MKLN1: variants seen among roughly 807,000 people sequenced by gnomAD.
The protein encoded by MKLN1 is muskelin 1.
Under a neutral mutation model 99.0 loss-of-function variants are expected in MKLN1, and 18 were observed. That is an observed-to-expected ratio of 0.18 (90% CI 0.13 to 0.27). MKLN1 has a LOEUF of 0.27. Ranked by LOEUF, MKLN1 falls within the 10% of genes least tolerant of loss-of-function variation. The pLI, the probability that MKLN1 is intolerant of heterozygous loss-of-function variation, is 1.00. For missense variants in MKLN1, 621 were observed against 875.9 expected (o/e 0.71, Z 3.67); for synonymous variants, 288 against 293.2 (o/e 0.98, Z 0.18).
upstream of MKLN1, chr7:131,327,845 C>T (rs1246968714): frequency 2.5e-6 from 4 of 1,597,962 alleles, no homozygotes; most frequent in Middle Eastern, 3.4e-4. Context: ...CACGCCCCCT[C>T]CCCTCCTCCC....
In MKLN1 at chr7:131,371,601, C is replaced by T. The variant is rs191788003; in HGVS notation, c.99-3823C>T. On this transcript the variant is annotated intron_variant, in intron 1 of 17. Coordinates refer to ENST00000352689, the MANE Select transcript of MKLN1 (RefSeq NM_013255.5). Reference sequence around the variant, plus strand: ...ACCAAAACATATTGCAACTGTTTGGCCCCCTTGATTTTGCATTTAGTGGTC... The same window carrying T: ...ACCAAAACATATTGCAACTGTTTGGTCCCCTTGATTTTGCATTTAGTGGTC... Among the ~76,000 whole-genome samples, 347 of 152,192 alleles carry T rather than the reference C, an allele frequency of 2.3e-3. 1 individual carries two copies. Among genetic ancestry groups the T allele is most frequent in the African/African-American group, 8.0e-3 (333 of 41,532 alleles).
intron 14 of MKLN1, 21 bp downstream of exon 14, chr7:131,464,429 T>C: frequency 7.0e-7 from 1 of 1,432,504 alleles, no homozygotes; most frequent in Non-Finnish European, 9.8e-7. Flanking sequence ...TACATTGACC[T>C]GTAAACTTTC....
At chr7:131,223,479 G>C (rs906294327) in intron 3 of MKLN1, among the ~76,000 whole-genome samples, 2 of 152,196 alleles carry the variant, frequency 1.3e-5, no homozygotes, top group African/African-American at 4.8e-5. Flanking sequence ...GTTAGGATGA[G>C]CTTGGGTTTC....
chr7:131,307,709 AC>A (rs1436622766), intron 3 of MKLN1, among the ~76,000 whole-genome samples: 4 of 152,126 alleles, frequency 2.6e-5, no homozygotes, highest in Non-Finnish European at 1.5e-5. Context: ...GGAAGCATTT[AC>A]CCAATACCTG....
chr7:131,197,912 G>C (rs889163992), intron 2 of MKLN1, among the ~76,000 whole-genome samples: 13 of 151,964 alleles, frequency 8.6e-5, no homozygotes, highest in Non-Finnish European at 1.6e-4. Context: ...TCTCAGGTCT[G>C]CAACCTCTGC....
At chr7:131,374,498 C>T (rs569532756) in intron 1 of MKLN1, among the ~76,000 whole-genome samples, 53 of 152,260 alleles carry the variant, frequency 3.5e-4, no homozygotes, top group African/African-American at 1.2e-3. Context: ...TAACATCCCC[C>T]TACAAAAGTG....
intron 1 of MKLN1, among the ~76,000 whole-genome samples, chr7:131,138,977 T>G (rs1795692124): frequency 6.6e-6 from 1 of 152,122 alleles, no homozygotes; most frequent in South Asian, 2.1e-4. Flanking sequence ...AAATTAACTG[T>G]GCCAGGCCTT....
intron 3 of MKLN1, among the ~76,000 whole-genome samples, chr7:131,286,110 C>G (rs561611430): frequency 6.6e-6 from 1 of 152,078 alleles, no homozygotes; most frequent in East Asian, 1.9e-4. Flanking sequence ...GTTATCACGC[C>G]GGACTAATTT....
At chr7:131,338,223 T>G (rs933940863) in intron 1 of MKLN1, among the ~76,000 whole-genome samples, 3 of 152,244 alleles carry the variant, frequency 2.0e-5, no homozygotes, top group Admixed American at 6.5e-5. Context: ...ATAAATCCCT[T>G]AAGAGGAAAA....
intron 3 of MKLN1, among the ~76,000 whole-genome samples, chr7:131,207,927 A>G (rs1796843936): frequency 6.6e-6 from 1 of 152,222 alleles, no homozygotes. Context: ...AAAAGGCAAA[A>G]TGTTTCAGAG....
At chr7:131,429,351 TAGAG>T (rs998766913) in intron 9 of MKLN1, among the ~76,000 whole-genome samples, 4 of 151,790 alleles carry the variant, frequency 2.6e-5, no homozygotes, top group Non-Finnish European at 5.9e-5. Context: ...ATCTGTTTTA[TAGAG>T]AGAGAGAGAG....
intron 1 of MKLN1, among the ~76,000 whole-genome samples, chr7:131,117,632 A>G: frequency 6.6e-6 from 1 of 152,248 alleles, no homozygotes; most frequent in East Asian, 1.9e-4. Flanking sequence ...TCTTTTTAAA[A>G]GACAGTTTAC....
At chr7:131,169,185 A>T (rs568586138) in intron 2 of MKLN1, among the ~76,000 whole-genome samples, 3 of 152,284 alleles carry the variant, frequency 2.0e-5, no homozygotes, top group Non-Finnish European at 4.4e-5. Context: ...TCTGGCTGAA[A>T]CCCTCATTTT....
intron 1 of MKLN1, among the ~76,000 whole-genome samples, chr7:131,115,726 C>T (rs190943474): frequency 2.0e-5 from 3 of 152,252 alleles, no homozygotes; most frequent in Admixed American, 2.0e-4. Flanking sequence ...CTTCCTCAAA[C>T]TTGTTGAATT....
intron 8 of MKLN1, among the ~76,000 whole-genome samples, chr7:131,417,441 G>T (rs1250287667): frequency 6.6e-6 from 1 of 152,120 alleles, no homozygotes; most frequent in East Asian, 1.9e-4. Flanking sequence ...GCCTTTAAAA[G>T]AAATCATGGG....
chr7:131,163,509 T>C (rs1796083855), intron 2 of MKLN1, among the ~76,000 whole-genome samples: 1 of 152,216 alleles, frequency 6.6e-6, no homozygotes, highest in Non-Finnish European at 1.5e-5. Flanking sequence ...TGCTTCATTT[T>C]CATCCCTTTT....
intron 9 of MKLN1, among the ~76,000 whole-genome samples, chr7:131,431,832 A>G (rs1333292717): frequency 1.3e-5 from 2 of 152,184 alleles, no homozygotes; most frequent in Non-Finnish European, 2.9e-5. Flanking sequence ...TGTGCCAGTT[A>G]AAGTTGCTGG....
chr7:131,151,567 T>C (rs947809271), intron 2 of MKLN1, among the ~76,000 whole-genome samples: 3 of 152,172 alleles, frequency 2.0e-5, no homozygotes, highest in African/African-American at 7.2e-5. Flanking sequence ...CTAGATGTAA[T>C]TGAATGTTAA....
intron 3 of MKLN1, among the ~76,000 whole-genome samples, chr7:131,262,154 G>A (rs983861032): frequency 1.4e-4 from 22 of 151,952 alleles, no homozygotes; most frequent in African/African-American, 5.1e-4. Context: ...AGAATAACTC[G>A]GCTGGGCACA....
Sources: gnomAD v4.1 joint callset for allele counts (sites outside exome capture counted in the v4.1 genomes callset) on GRCh38, gnomAD v4.1.1 for gene constraint, MANE v1.5 for transcripts, NCBI Gene and HGNC (gene_info 2026-07-23, HGNC 2026-07-21) for gene names.